Variants in SACS observed in about 807,000 individuals in gnomAD.
SACS encodes the protein sacsin.
Under a neutral mutation model 348.0 loss-of-function variants are expected in SACS, and 197 were observed. That is an observed-to-expected ratio of 0.57 (90% CI 0.50 to 0.64). The LOEUF (loss-of-function observed/expected upper bound fraction) is 0.64. SACS is among the 30% of genes least tolerant of loss of function. The pLI is 0.00. For missense variants in SACS, 4,999 were observed against 5,360.8 expected (o/e 0.93, Z 2.11); for synonymous variants, 1,985 against 1,910.6 (o/e 1.04, Z -1.02).
rs9580612 is a variant in SACS, at chr13:23,400,763, A to C, written c.20+10457T>G. Among the ~76,000 whole-genome samples the C allele has an allele frequency of 9.6e-3, 1,464 of 152,256 alleles. 21 individuals carry two copies. Among genetic ancestry groups the C allele is most frequent in the African/African-American group, 0.033 (1,386 of 41,548 alleles). ...GGTAGCTAAGCATTGTTTCACACCA[A>C]CCTAACATCCTATTTAGTCAAATGT... On this transcript the variant is annotated intron_variant, in intron 2 of 9. Transcript: ENST00000382292.
chr13:23,412,914 T>C (rs1465489205), intron 1 of SACS, among the ~76,000 whole-genome samples: 3 of 152,268 alleles, frequency 2.0e-5, no homozygotes, highest in Non-Finnish European at 4.4e-5. Context: ...TTTTAATTTT[T>C]ATTTTTTAGG....
intron 9 of SACS, among the ~76,000 whole-genome samples, chr13:23,347,971 T>C (rs1035704581): frequency 1.3e-5 from 2 of 152,224 alleles, no homozygotes; most frequent in African/African-American, 4.8e-5. Flanking sequence ...ATAGGAAAGG[T>C]TACGGATTTT....
Position 23,338,777 on chromosome 13 carries a change from A to G in SACS, c.5099T>C (p.Ile1700Thr), listed in dbSNP as rs769132405. The G allele has an allele frequency of 3.7e-6, 6 of 1,611,106 alleles. No individual in the cohort carries two copies. The South Asian group carries it at 4.4e-5, about 12-fold the overall frequency. The stretch of plus-strand genomic sequence containing the variant: ...TGCTAAACTGGGGTTGGTTTCCTCA[A>G]TTTTCAAGTACTTCAAATACATTGA... ...VKSMYLKYLK[I>T]EETNPSLAQD... The change falls in exon 10 of 10, where the codon ATT (isoleucine) becomes ACT (threonine). Residue 1700 changes from isoleucine to threonine, a missense_variant. Physicochemically the swap from Ile to Thr is moderately conservative, Grantham distance 89. Coordinates refer to ENST00000382292, the MANE Select transcript of SACS (RefSeq NM_014363.6).
At position 23,331,058 on chromosome 13, in the gene SACS, A is replaced by C. The variant is rs777946704; in HGVS notation, c.12818T>G (p.Leu4273Arg). 7.8e-5 allele frequency: 126 copies of C among 1,613,944 alleles called. No homozygotes were observed. Among genetic ancestry groups the C allele is most frequent in the Non-Finnish European group, 1.0e-4 (120 of 1,179,942 alleles). Residue 4273 changes from leucine to arginine, a missense_variant, in exon 10 of 10, where the codon CTG becomes CGG. This residue lies in a region of SACS where 831 missense variants were observed against 941.8 expected (regional missense o/e 0.88). Coordinates refer to ENST00000382292, the MANE Select transcript of SACS (RefSeq NM_014363.6). The part of the protein sequence containing the change: ...TSPTEFLTPG[L>R]RSIPPLFSGR... Reference sequence around the variant, plus strand: ...AGAGAAAAGAGGAGGAATGCTTCTCAGGCCAGGGGTGAGGAACTCAGTGGG... The same window carrying C: ...AGAGAAAAGAGGAGGAATGCTTCTCCGGCCAGGGGTGAGGAACTCAGTGGG...
chr13:23,404,405 T>G (rs1462846508), intron 2 of SACS, among the ~76,000 whole-genome samples: 1 of 152,162 alleles, frequency 6.6e-6, no homozygotes, highest in Non-Finnish European at 1.5e-5. Flanking sequence ...ATAAACTAGG[T>G]ATTCATGGAA....
chr13:23,371,684 C>T (rs937614968), intron 3 of SACS, among the ~76,000 whole-genome samples: 1 of 152,186 alleles, frequency 6.6e-6, no homozygotes, highest in African/African-American at 2.4e-5. Context: ...GTTACGTATT[C>T]AGGCTACACA....
At chr13:23,350,289 G>A (rs529047545) in intron 9 of SACS, among the ~76,000 whole-genome samples, 9 of 152,166 alleles carry the variant, frequency 5.9e-5, no homozygotes, top group African/African-American at 1.9e-4. Context: ...AGGAAGTACA[G>A]ACAATAAGAC....
At chr13:23,393,116 T>C (rs1336042859) in intron 2 of SACS, among the ~76,000 whole-genome samples, 6 of 152,244 alleles carry the variant, frequency 3.9e-5, no homozygotes, top group Non-Finnish European at 7.4e-5. Context: ...GCAGGGCCCC[T>C]GGACCAACAG....
chr13:23,354,834 T>C lies in SACS; in HGVS notation c.1778A>G (p.Tyr593Cys). 6.2e-7 allele frequency: 1 copy of C among 1,614,186 alleles called. No individual in the cohort carries two copies. Among genetic ancestry groups the C allele is most frequent in the Non-Finnish European group, 8.5e-7 (1 of 1,180,018 alleles). The change falls in exon 8 of 10, where the codon TAC becomes TGC. Residue 593 changes from tyrosine (Y) to cysteine (C), a missense_variant. Physicochemically the swap from Tyr to Cys is radical, Grantham distance 194. Around this residue, in one of 6 missense-constraint regions of SACS, gnomAD observed 3,156 missense variants for 3,380.1 expected, o/e 0.93. Coordinates refer to ENST00000382292, the MANE Select transcript of SACS (RefSeq NM_014363.6). ...AATCTGCTTCCCTGAGCTCTGGAGG[T>C]AGTTGAGCACAGTTTTTGTGTATTC... Reference protein sequence around the residue: ...NLEYTKTVLNYLQSSGKQIAK... With the variant: ...NLEYTKTVLNCLQSSGKQIAK...
chr13:23,407,633 G>T (rs778559813), intron 2 of SACS, among the ~76,000 whole-genome samples: 17 of 152,246 alleles, frequency 1.1e-4, no homozygotes, highest in Non-Finnish European at 2.4e-4. Context: ...AATGGACTTA[G>T]ATGGTTCAGA....
intron 2 of SACS, among the ~76,000 whole-genome samples, chr13:23,403,842 G>A (rs553264504): frequency 1.3e-5 from 2 of 152,290 alleles, no homozygotes; most frequent in East Asian, 3.9e-4. Flanking sequence ...ATGTTAGGGT[G>A]TCAATTTCAG....
Position 23,332,673 on chromosome 13 carries a change from T to C in SACS, c.11203A>G (p.Asn3735Asp). 6.2e-7 allele frequency: 1 copy of C among 1,613,894 alleles called. No homozygotes were observed. The highest frequency in any genetic ancestry group is 1.1e-5 in the South Asian group (1 of 91,084). Reference sequence around the variant, plus strand: ...GGATCCAGGTTAACATTAAGCATATTTAAAACTTGTTCAAGCTGTTCTTGT... The same window carrying C: ...GGATCCAGGTTAACATTAAGCATATCTAAAACTTGTTCAAGCTGTTCTTGT... ...GPQEQLEQVL[N>D]MLNVNLDPPL... The change falls in exon 10 of 10, where the codon AAT (asparagine) becomes GAT (aspartate). Residue 3735 changes from asparagine to aspartate, a missense_variant. Physicochemically the swap from Asn to Asp is conservative, Grantham distance 23. Around this residue, in one of 6 missense-constraint regions of SACS, gnomAD observed 831 missense variants for 941.8 expected, o/e 0.88. Transcript: ENST00000382292.
At position 23,330,325 on chromosome 13, in the gene SACS, T is replaced by G. The variant is rs1883384533; in HGVS notation, c.13551A>C (p.Glu4517Asp). 2 of 1,614,216 alleles carry G rather than the reference T, an allele frequency of 1.2e-6. No individual in the cohort carries two copies. The highest frequency in any genetic ancestry group is 2.7e-5 in the African/African-American group (2 of 75,076). Reference protein sequence around the residue: ...QKIEEYSQQLEGLTNDVHTLE... With the variant: ...QKIEEYSQQLDGLTNDVHTLE... The stretch of plus-strand genomic sequence containing the variant: ...ATGTGTGAACATCATTTGTCAGTCC[T>G]TCAAGTTGCTGACTATATTCCTCTA... Residue 4517 changes from glutamate to aspartate, a missense_variant, in exon 10 of 10, where the codon GAA (glutamate) becomes GAC (aspartate). By Grantham distance (45) the Glu-to-Asp change is conservative. Coordinates refer to ENST00000382292, the MANE Select transcript of SACS (RefSeq NM_014363.6).
rs1195544257 is a variant in SACS at position 23,335,728 on chromosome 13, A to G, written c.8148T>C (p.Val2716=). ...EMAKVSEISS[V]PASDRMVQNL... is the part of the protein sequence containing the mutation. ...TCTGGACCATTCTGTCTGATGCTGG[A>G]ACAGACGAAATTTCCGAAACTTTTG... The change falls in exon 10 of 10, where the codon GTT becomes GTC. Residue 2716 remains valine, a synonymous_variant. Transcript: ENST00000382292. This position sits in a 1 kb window ranked among gnomAD's most constrained non-coding sequence, Gnocchi z 4.7. 6.2e-7 allele frequency: 1 copy of G among 1,613,904 alleles called. No homozygotes were observed. The highest frequency in any genetic ancestry group is 8.5e-7 in the Non-Finnish European group (1 of 1,179,898).
rs745819113 is a variant in SACS at position 23,332,222 on chromosome 13, A to G, written c.11654T>C (p.Phe3885Ser). 6.2e-7 allele frequency: 1 copy of G among 1,614,020 alleles called. No homozygotes were observed. The highest frequency in any genetic ancestry group is 1.1e-5 in the South Asian group (1 of 91,080). ...RTVKRVVSGL[F>S]RSLQNDSVKV... ...GACTGAATCATTCTGTAGACTCCTG[A>G]ACAGACCAGAAACTACTCTCTTAAC... is the stretch of plus-strand genomic sequence containing the variant. Residue 3885 changes from phenylalanine (F) to serine (S), a missense_variant, in exon 10 of 10, where the codon TTC (phenylalanine) becomes TCC (serine). Physicochemically the swap from Phe to Ser is radical, Grantham distance 155. This residue lies in a region of SACS where 831 missense variants were observed against 941.8 expected (regional missense o/e 0.88). Coordinates refer to ENST00000382292, the MANE Select transcript of SACS (RefSeq NM_014363.6).
chr13:23,433,431 C>T (rs1874517489), intron 1 of SACS, among the ~76,000 whole-genome samples, 184 bp downstream of exon 1: 1 of 152,222 alleles, frequency 6.6e-6, no homozygotes, highest in Non-Finnish European at 1.5e-5. Flanking sequence ...CGTCTCTGTC[C>T]TCTCCGAAGG....
At chr13:23,393,568 ACT>A (rs1477107256) in intron 2 of SACS, among the ~76,000 whole-genome samples, 2 of 151,958 alleles carry the variant, frequency 1.3e-5, no homozygotes, top group Admixed American at 1.3e-4. Context: ...TGAACACTGG[ACT>A]CTGCTCTACC....
chr13:23,383,887 T>C (rs917478353), intron 2 of SACS, among the ~76,000 whole-genome samples: 1 of 152,132 alleles, frequency 6.6e-6, no homozygotes, highest in African/African-American at 2.4e-5. Flanking sequence ...GTTCACACCA[T>C]CACCCTCTCC....
intron 4 of SACS, among the ~76,000 whole-genome samples, chr13:23,368,736 T>C (rs1871203778): frequency 6.6e-6 from 1 of 152,198 alleles, no homozygotes; most frequent in Non-Finnish European, 1.5e-5. Context: ...TCTCGCTCTG[T>C]CGCCCAAGCT....
Sources: gnomAD v4.1 joint callset for allele counts (sites outside exome capture counted in the v4.1 genomes callset) on GRCh38, gnomAD v4.1.1 for gene constraint, gnomAD v4.1.1 regional missense constraint, Gnocchi (gnomAD v3.1) non-coding constraint, MANE v1.5 for transcripts, NCBI Gene and HGNC (gene_info 2026-07-23, HGNC 2026-07-21) for gene names.